The following ZFX variants were observed in gnomAD, a reference collection of about 807,000 sequenced individuals.
ZFX encodes the protein zinc finger X-chromosomal protein.
For synonymous variants in ZFX, 196 were observed against 226.8 expected (o/e 0.86, Z 1.22); for missense variants, 362 against 628.3 (o/e 0.58, Z 4.53).
chrX:24,178,558 G>A (rs1239572220), intron 4 of ZFX, among the ~76,000 whole-genome samples: 1 of 109,550 alleles, frequency 9.1e-6, no homozygotes, highest in Non-Finnish European at 1.9e-5. Flanking sequence ...CAAAGTGCTG[G>A]GATTACAGGA....
At chrX:24,173,737 T>A (rs993168861) in intron 4 of ZFX, 16 of 457,090 alleles carry the variant, frequency 3.5e-5, no homozygotes, top group Non-Finnish European at 5.9e-5. Flanking sequence ...TGTGCCACAA[T>A]GTCTGGCTAA....
chrX:24,205,676 G>A (rs990160897), intron 5 of ZFX, among the ~76,000 whole-genome samples: 1 of 111,074 alleles, frequency 9.0e-6, no homozygotes, highest in African/African-American at 3.3e-5. Flanking sequence ...CCAACATGGC[G>A]AAACCTGTCT....
intron 5 of ZFX, among the ~76,000 whole-genome samples, chrX:24,190,279 CTG>C (rs940893094): frequency 2.1e-4 from 23 of 111,673 alleles, no homozygotes; most frequent in Middle Eastern, 4.6e-3. Flanking sequence ...TTGTTATTAA[CTG>C]TAGTCACCTC....
Position 24,211,861 on chromosome X carries a change from G to A in ZFX, c.*485G>A, listed in dbSNP as rs1466512133. On this transcript the variant is annotated 3_prime_UTR_variant, in exon 10 of 10. Transcript: ENST00000304543. ...AGTCAGGTCTAATTATCATAACATG[G>A]AAGTCATTTACTTGTCTTGCTTAAT... The A allele has an allele frequency of 8.8e-6, 1 of 114,284 alleles. No homozygotes were observed. The highest frequency in any genetic ancestry group is 1.8e-5 in the Non-Finnish European group (1 of 54,661). 9.4% of individuals were successfully genotyped at this position (114,284 alleles called of 1,213,427 possible). A position where few individuals can be genotyped will look rare whatever the true frequency, so the allele number is the denominator to read the frequency against.
chrX:24,168,219 G>A (rs760717071), intron 3 of ZFX, among the ~76,000 whole-genome samples: 9 of 112,507 alleles, frequency 8.0e-5, no homozygotes, highest in Non-Finnish European at 1.5e-4. Flanking sequence ...TGCCTTTCCT[G>A]CAGCTTAAGC....
intron 5 of ZFX, among the ~76,000 whole-genome samples, chrX:24,184,258 CAG>C (rs1935926727): frequency 1.8e-5 from 2 of 111,598 alleles, no homozygotes; most frequent in South Asian, 3.7e-4. Flanking sequence ...CTAGAGAAAG[CAG>C]AGAGTTGAGT....
intron 5 of ZFX, among the ~76,000 whole-genome samples, chrX:24,185,412 C>G (rs1936027761): frequency 8.9e-6 from 1 of 112,084 alleles, no homozygotes; most frequent in African/African-American, 3.2e-5. Flanking sequence ...TTTCTCTTGG[C>G]TGTGCCTCCC....
chrX:24,212,880 G>GTT lies in ZFX; in HGVS notation c.*1506_*1507dup, dbSNP rs956200885. The GTT allele has an allele frequency of 9.4e-6, 1 of 106,208 alleles. No individual in the cohort carries two copies. Among genetic ancestry groups the GTT allele is most frequent in the African/African-American group, 3.4e-5 (1 of 29,393 alleles). The allele number at this position is 106,208 out of a possible 1,213,427, so 8.8% of individuals were successfully genotyped here. On this transcript the variant is annotated 3_prime_UTR_variant, in exon 10 of 10. Transcript: ENST00000304543. ...TCACTAAGTCTTCCACAGGTTTTTT[G>GTT]TTTGTTTGTTTTTTTTTGTTGTTTT...
In ZFX at chrX:24,194,276, T is replaced by TC. The variant is rs59413824; in HGVS notation, c.647-13043dup. On this transcript the variant is annotated intron_variant, in intron 5 of 9. Transcript: ENST00000304543. ...CTTTGTTCTTCCTGGCTTACCCTTC[T>TC]CCCCCCCACCAAAGCAACTGTAGCA... Among the ~76,000 whole-genome samples the TC allele has an allele frequency of 9.2e-3, 1,015 of 110,752 alleles. 11 individuals are homozygous for TC. The highest frequency in any genetic ancestry group is 0.031 in the African/African-American group (943 of 30,426).
chrX:24,158,372 C>T (rs1157411258), intron 3 of ZFX, among the ~76,000 whole-genome samples: 1 of 110,609 alleles, frequency 9.0e-6, no homozygotes, highest in East Asian at 2.8e-4. Context: ...AAACCAAAAA[C>T]AAAAAAACAC....
chrX:24,166,246 A>G (rs909952348), intron 3 of ZFX, among the ~76,000 whole-genome samples: 10 of 112,070 alleles, frequency 8.9e-5, no homozygotes, highest in African/African-American at 3.2e-4. Flanking sequence ...GAAAGTTTGG[A>G]CTCTTAGATT....
chrX:24,183,425 A>T (rs1013748869), intron 5 of ZFX, among the ~76,000 whole-genome samples: 1 of 111,542 alleles, frequency 9.0e-6, no homozygotes, highest in African/African-American at 3.3e-5. Flanking sequence ...ACCTCAGGTG[A>T]TCCCACCCGC....
At chrX:24,165,895 T>C (rs1933956231) in intron 3 of ZFX, among the ~76,000 whole-genome samples, 1 of 112,766 alleles carries the variant, frequency 8.9e-6, no homozygotes, top group Non-Finnish European at 1.9e-5. Context: ...AAAAGAGTGA[T>C]CCAAAGAGTT....
chrX:24,152,804 TAG>T lies in ZFX; in HGVS notation c.-52_-51del, dbSNP rs966408717. On this transcript the variant is annotated 5_prime_UTR_variant, in exon 3 of 10. An upstream open reading frame in the 5' UTR gains an earlier in-frame stop. Transcript: ENST00000304543. ...AACAGTGGATGTTCAAGATTAAGAT[TAG>T]AGTCAAGTTGTGTGATTAAGACAGG... 3.6e-5 allele frequency: 4 copies of T among 112,433 alleles called. No individual in the cohort carries two copies. The highest frequency in any genetic ancestry group is 1.3e-4 in the African/African-American group (4 of 30,943). 9.3% of individuals were successfully genotyped at this position (112,433 alleles called of 1,213,427 possible).
rs1435333165 is a variant in ZFX, at chrX:24,195,076, T to C, written c.647-12250T>C. ...AAACTGCTTTTGTTATATACTACGT[T>C]GTTTGGCTGAAAGTCACAATTTCCG... On this transcript the variant is annotated intron_variant, in intron 5 of 9. Coordinates refer to ENST00000304543, the MANE Select transcript of ZFX (RefSeq NM_003410.4). 4.0e-4 allele frequency among the ~76,000 whole-genome samples: 45 copies of C among 111,869 alleles called. 1 individual carries two copies. Among genetic ancestry groups the C allele is most frequent in the Admixed American group, 3.8e-4 (4 of 10,543 alleles).
chrX:24,170,222 C>G (rs2147475078), intron 3 of ZFX, among the ~76,000 whole-genome samples: 1 of 104,790 alleles, frequency 9.5e-6, no homozygotes, highest in African/African-American at 3.5e-5. Flanking sequence ...GTGTCGCAAT[C>G]TTGGCTCACT....
chrX:24,167,064 C>G (rs1223926256), intron 3 of ZFX, among the ~76,000 whole-genome samples: 2 of 111,960 alleles, frequency 1.8e-5, no homozygotes, highest in African/African-American at 6.5e-5. Flanking sequence ...GGTTTTCCTG[C>G]TGGGATAATG....
intron 3 of ZFX, among the ~76,000 whole-genome samples, chrX:24,160,257 C>G (rs1446380257): frequency 9.5e-6 from 1 of 105,275 alleles, no homozygotes; most frequent in African/African-American, 3.5e-5. Flanking sequence ...ATAAAATTTT[C>G]TCTAGACTAT....
At chrX:24,151,588 G>A (rs1397351459) in intron 1 of ZFX, 103 bp from the exon 2 acceptor site, 1 of 111,888 alleles carries the variant, frequency 8.9e-6, no homozygotes, top group Non-Finnish European at 1.9e-5. Context: ...AGGTGGAGGG[G>A]CTTATACTCA....
Sources: allele counts gnomAD v4.1 joint callset (sites outside exome capture counted in the v4.1 genomes callset), GRCh38; gene constraint gnomAD v4.1.1; transcripts MANE v1.5; gene names NCBI Gene and HGNC (gene_info 2026-07-23, HGNC 2026-07-21).